Variants in SVOPL observed in about 807,000 individuals in gnomAD.
SVOPL encodes putative transporter SVOPL.
SVOPL carries 60 observed loss-of-function variants against 61.0 expected under a neutral mutation model. The ratio of observed to expected loss-of-function variants is 0.98; its 90% confidence interval spans 0.80 to 1.22. The LOEUF is 1.22. Among genes scored for constraint, SVOPL ranks in the 50% most tolerant of loss-of-function variants. The probability of loss-of-function intolerance (pLI) is 0.00; values close to 1 mark genes in which losing one functional copy is unlikely to be tolerated. For synonymous variants in SVOPL, 279 were observed against 250.0 expected, an observed-to-expected ratio of 1.12 and a Z score of -1.09; for missense variants, 662 against 643.9, an observed-to-expected ratio of 1.03 and a Z score of -0.30.
intron 1 of SVOPL, among the ~76,000 whole-genome samples, chr7:138,700,679 A>ATGGATGGAT (rs142195076): frequency 6.7e-6 from 1 of 148,822 alleles, no homozygotes; most frequent in East Asian, 2.0e-4. Flanking sequence ...ACCCAGTAAG[A>ATGGATGGAT]GGATGGATGG....
chr7:138,632,494 G>A (rs1800254790), intron 9 of SVOPL, among the ~76,000 whole-genome samples: 2 of 152,088 alleles, frequency 1.3e-5, no homozygotes, highest in Admixed American at 6.6e-5. Flanking sequence ...ATGGATGGGG[G>A]CCGCAAGCTG....
rs138173890 is a variant in SVOPL at position 138,607,019 on chromosome 7, T to C, written c.1354-10489A>G. Among the ~76,000 whole-genome samples the C allele has an allele frequency of 4.4e-3, 588 of 132,948 alleles. 1 individual carries two copies. Among genetic ancestry groups the C allele is most frequent in the African/African-American group, 0.013 (509 of 39,030 alleles). The allele number at this position is 132,948 out of a possible 152,430, so 87.2% of individuals were successfully genotyped here. On this transcript the variant is annotated intron_variant, in intron 14 of 15. Transcript: ENST00000674285. The stretch of plus-strand genomic sequence containing the variant: ...CTTGCCCTAACTGTCTGCTTAACTG[T>C]TTTTTGTTTTTTTTTTCATTCTCCT...
intron 14 of SVOPL, among the ~76,000 whole-genome samples, chr7:138,610,130 A>C: frequency 6.6e-6 from 1 of 152,240 alleles, no homozygotes. Context: ...ACATACAATG[A>C]AATATTTTTC....
intron 14 of SVOPL, among the ~76,000 whole-genome samples, chr7:138,611,897 C>G (rs1284595587): frequency 2.1e-4 from 7 of 33,376 alleles, no homozygotes; most frequent in Non-Finnish European, 4.2e-4. Context: ...GGGAGGTGTG[C>G]CCAACAGCTC....
In SVOPL at chr7:138,644,837, A is replaced by G. The variant is rs199580070; in HGVS notation, c.669T>C (p.Pro223=). 317 of 1,614,084 alleles carry G rather than the reference A, an allele frequency of 2.0e-4. No individual in the cohort carries two copies. The highest frequency in any genetic ancestry group is 2.5e-4 in the Non-Finnish European group (299 of 1,180,042). ...IILIVAFKFI[P]ESARFNVSTG... ...TGGAGACATTGAACCGGGCAGATTC[A>G]GGAATAAACTGGGTAGAGATTACAA... The change falls in exon 9 of 16, where the codon CCT becomes CCC. Residue 223 remains proline (P), a synonymous_variant. Transcript: ENST00000674285.
intron 4 of SVOPL, among the ~76,000 whole-genome samples, chr7:138,667,417 G>GT (rs1442734418): frequency 2.0e-5 from 3 of 152,190 alleles, no homozygotes; most frequent in African/African-American, 7.2e-5. Context: ...CACTGATAAT[G>GT]TTGATTGCAA....
rs10258801 is a variant in SVOPL at position 138,653,082 on chromosome 7, G to A, written c.534+3366C>T. Among the ~76,000 whole-genome samples the A allele has an allele frequency of 6.4e-3, 972 of 152,326 alleles. 11 individuals carry two copies. Among genetic ancestry groups the A allele is most frequent in the African/African-American group, 0.022 (902 of 41,570 alleles). On this transcript the variant is annotated intron_variant, in intron 7 of 15. Coordinates refer to ENST00000674285, the MANE Select transcript of SVOPL (RefSeq NM_001139456.2). The stretch of plus-strand genomic sequence containing the variant: ...AAGCCAAAGCCTAATCCACAGCAAG[G>A]CCCTAACTCTCTTCAATTATGGGAA...
rs79469915 is a variant in SVOPL, at chr7:138,642,287, C to CAAAA, written c.789+2426_789+2429dup. Among the ~76,000 whole-genome samples, 576 of 111,594 alleles carry CAAAA rather than the reference C, an allele frequency of 5.2e-3. 4 individuals carry two copies. The highest frequency in any genetic ancestry group is 0.02 in the African/African-American group (546 of 27,790). 73.2% of individuals were successfully genotyped at this position (111,594 alleles called of 152,430 possible). Reference sequence around the variant, plus strand: ...CAAAGAAAATAAAACGGAAATTAGCCAAAAAAAAAAAAAAAAAAATCAATA... The same window carrying CAAAA: ...CAAAGAAAATAAAACGGAAATTAGCCAAAAAAAAAAAAAAAAAAAAAAATCAATA... On this transcript the variant is annotated intron_variant, in intron 9 of 15. Transcript: ENST00000674285.
chr7:138,637,651 T>C (rs1361665252), intron 9 of SVOPL, among the ~76,000 whole-genome samples: 1 of 151,998 alleles, frequency 6.6e-6, no homozygotes, highest in Non-Finnish European at 1.5e-5. Context: ...CATTTAAATA[T>C]TAAGAATAAA....
intron 1 of SVOPL, among the ~76,000 whole-genome samples, chr7:138,686,932 CTTT>C (rs1056688027): frequency 2.0e-4 from 31 of 152,264 alleles, no homozygotes; most frequent in African/African-American, 6.7e-4. Context: ...TGTATATATT[CTTT>C]GTTTTCTTAA....
chr7:138,698,643 T>C (rs965950471), intron 1 of SVOPL, among the ~76,000 whole-genome samples: 1 of 152,210 alleles, frequency 6.6e-6, no homozygotes, highest in Non-Finnish European at 1.5e-5. Context: ...TGATTTCTGG[T>C]CTCTGTTACT....
At chr7:138,666,388 CTTTGT>C (rs1194298191) in intron 4 of SVOPL, among the ~76,000 whole-genome samples, 3 of 152,240 alleles carry the variant, frequency 2.0e-5, no homozygotes, top group South Asian at 2.1e-4. Context: ...TAAGTAAAAA[CTTTGT>C]TTTATTTCTA....
intron 1 of SVOPL, among the ~76,000 whole-genome samples, chr7:138,691,958 C>G (rs1802953300): frequency 6.6e-6 from 1 of 152,072 alleles, no homozygotes; most frequent in South Asian, 2.1e-4. Context: ...GCTGAGATTA[C>G]AAGCAGGCAC....
At chr7:138,699,954 G>T (rs1803154119) in intron 1 of SVOPL, among the ~76,000 whole-genome samples, 2 of 152,214 alleles carry the variant, frequency 1.3e-5, no homozygotes, top group South Asian at 4.1e-4. Flanking sequence ...AACAGAGAAA[G>T]TCCTCATTCC....
intron 14 of SVOPL, among the ~76,000 whole-genome samples, chr7:138,609,489 CAAAAAAAA>C (rs35516590): frequency 2.1e-5 from 1 of 48,338 alleles, no homozygotes; most frequent in Non-Finnish European, 4.2e-5. Context: ...ACCACCTCTA[CAAAAAAAA>C]AAAAAAAAAA....
At chr7:138,686,753 G>A (rs1034500841) in intron 1 of SVOPL, among the ~76,000 whole-genome samples, 1 of 151,816 alleles carries the variant, frequency 6.6e-6, no homozygotes, top group African/African-American at 2.4e-5. Context: ...TAGTAGAGAC[G>A]GGGTTTCTCT....
chr7:138,661,607 T>C (rs1802003782), intron 5 of SVOPL: 5 of 985,178 alleles, frequency 5.1e-6, no homozygotes, highest in Non-Finnish European at 6.0e-6. Context: ...GTGACGCTCA[T>C]CCATTATCTC....
chr7:138,672,369 G>A (rs1802444264), intron 3 of SVOPL, among the ~76,000 whole-genome samples: 1 of 152,154 alleles, frequency 6.6e-6, no homozygotes, highest in African/African-American at 2.4e-5. Context: ...ATTCACTTAT[G>A]ATTTTGCTGA....
rs1046343108 is a variant in SVOPL, at chr7:138,660,890, C to A, written c.346-902G>T. 6 of 985,154 alleles carry A rather than the reference C, an allele frequency of 6.1e-6. No individual in the cohort carries two copies. In the African/African-American group the frequency reaches 1.0e-4, roughly 17 times the overall value. The allele number at this position is 985,154 out of a possible 1,614,324, so 61.0% of individuals were successfully genotyped here. ...CAAGTCATGAAAATGTCCATTTCAA[C>A]GGTGCAGGACTCTTTAAGGAAAAAT... On this transcript the variant is annotated intron_variant, in intron 5 of 15. Coordinates refer to ENST00000674285, the MANE Select transcript of SVOPL (RefSeq NM_001139456.2).
Sources: allele counts gnomAD v4.1 joint callset (sites outside exome capture counted in the v4.1 genomes callset), GRCh38; gene constraint gnomAD v4.1.1; transcripts MANE v1.5; gene names NCBI Gene and HGNC (gene_info 2026-07-23, HGNC 2026-07-21).